NOL10: variants seen among roughly 807,000 people sequenced by gnomAD.
NOL10 encodes the protein nucleolar protein 10.
NOL10 carries 58 observed loss-of-function variants against 103.5 expected under a neutral mutation model. That is an observed-to-expected ratio of 0.56 (90% CI 0.45 to 0.70). The LOEUF is 0.70. Among genes scored for constraint, NOL10 ranks in the 30% least tolerant of loss-of-function variants. NOL10 has a pLI of 0.00. For synonymous variants in NOL10, 287 were observed against 282.5 expected, an observed-to-expected ratio of 1.02 and a Z score of -0.16; for missense variants, 763 against 807.3, an observed-to-expected ratio of 0.95 and a Z score of 0.67.
intron 11 of NOL10, among the ~76,000 whole-genome samples, chr2:10,656,530 A>T (rs1415172080): frequency 1.3e-5 from 2 of 152,246 alleles, no homozygotes; most frequent in African/African-American, 2.4e-5. Context: ...CAGAGAAAAA[A>T]GGAAAAGAAG....
intron 13 of NOL10, among the ~76,000 whole-genome samples, chr2:10,632,323 C>T (rs13019722): frequency 0.2 from 30,364 of 152,036 alleles, 3,862 homozygotes; most frequent in East Asian, 0.43. Flanking sequence ...TTAGGGCTCA[C>T]GAGCCATATG....
intron 17 of NOL10, among the ~76,000 whole-genome samples, chr2:10,596,268 G>GGGGA (rs1553298216): frequency 3.7e-5 from 3 of 81,430 alleles, no homozygotes; most frequent in Admixed American, 3.1e-4. Context: ...GGGGGCGGGG[G>GGGGA]GCGGGCGCGA....
intron 13 of NOL10, among the ~76,000 whole-genome samples, chr2:10,611,748 TCTA>T (rs1309340058): frequency 3.3e-5 from 5 of 152,156 alleles, no homozygotes; most frequent in Non-Finnish European, 7.4e-5. Context: ...GAACCCCATC[TCTA>T]CTATAAATAC....
At chr2:10,591,888 A>T (rs1397489615) in intron 17 of NOL10, among the ~76,000 whole-genome samples, 1 of 152,146 alleles carries the variant, frequency 6.6e-6, no homozygotes, top group Non-Finnish European at 1.5e-5. Flanking sequence ...CTGTAGTCCC[A>T]GCTACTTGGA....
At chr2:10,632,221 G>C (rs1677895140) in intron 13 of NOL10, among the ~76,000 whole-genome samples, 2 of 152,050 alleles carry the variant, frequency 1.3e-5, no homozygotes, top group Non-Finnish European at 2.9e-5. Flanking sequence ...ATATAACAGG[G>C]AAAAAGACAA....
At chr2:10,609,027 T>C (rs1020539897) in intron 13 of NOL10, among the ~76,000 whole-genome samples, 6 of 152,144 alleles carry the variant, frequency 3.9e-5, no homozygotes, top group African/African-American at 1.2e-4. Flanking sequence ...AGAACTGCTA[T>C]GGTTTTAAGC....
chr2:10,606,868 T>C (rs1438142399), intron 14 of NOL10, among the ~76,000 whole-genome samples: 2 of 152,070 alleles, frequency 1.3e-5, no homozygotes, highest in African/African-American at 2.4e-5. Context: ...CAGATAATAC[T>C]GGTGAAAAAA....
intron 13 of NOL10, among the ~76,000 whole-genome samples, chr2:10,622,793 C>G (rs1558297438): frequency 1.3e-5 from 2 of 152,066 alleles, no homozygotes; most frequent in South Asian, 4.2e-4. Context: ...GGAGATGAAC[C>G]AGAAAAACAA....
chr2:10,664,763 T>C (rs1033525723), intron 8 of NOL10, among the ~76,000 whole-genome samples: 42 of 152,320 alleles, frequency 2.8e-4, no homozygotes, highest in Middle Eastern at 3.4e-3. Context: ...CTCGAACTCC[T>C]GGACTCAAGC....
chr2:10,620,498 CG>C (rs1677083212), intron 13 of NOL10, among the ~76,000 whole-genome samples: 1 of 152,082 alleles, frequency 6.6e-6, no homozygotes, highest in Admixed American at 6.6e-5. Flanking sequence ...TCCTGAAGAA[CG>C]TATTTTAAAT....
chr2:10,665,306 T>C (rs1680500995), intron 8 of NOL10, among the ~76,000 whole-genome samples: 1 of 152,234 alleles, frequency 6.6e-6, no homozygotes, highest in South Asian at 2.1e-4. Context: ...ATACAAAATG[T>C]ATTTTTAAGC....
intron 13 of NOL10, among the ~76,000 whole-genome samples, chr2:10,615,050 G>C (rs965329383): frequency 6.6e-6 from 1 of 152,210 alleles, no homozygotes; most frequent in Admixed American, 6.5e-5. Flanking sequence ...AGAGAACACT[G>C]GGTGAGCCAG....
intron 13 of NOL10, among the ~76,000 whole-genome samples, chr2:10,621,586 CCT>C (rs936245123): frequency 5.9e-5 from 9 of 151,978 alleles, no homozygotes; most frequent in Non-Finnish European, 1.0e-4. Flanking sequence ...AGAATAAGAC[CCT>C]GTCTCAAAAA....
intron 17 of NOL10, among the ~76,000 whole-genome samples, chr2:10,593,802 C>T (rs559119496): frequency 5.3e-4 from 81 of 152,174 alleles, no homozygotes; most frequent in African/African-American, 1.9e-3. Flanking sequence ...GGGTGAGGTG[C>T]CCTCTGGACC....
intron 14 of NOL10, among the ~76,000 whole-genome samples, chr2:10,606,240 T>G (rs948333478): frequency 4.7e-5 from 7 of 149,618 alleles, no homozygotes; most frequent in Admixed American, 1.3e-4. Flanking sequence ...TTTTTTTTTT[T>G]GCCTCAGTTT....
chr2:10,622,488 C>CA (rs77285222), intron 13 of NOL10, among the ~76,000 whole-genome samples: 6 of 124,874 alleles, frequency 4.8e-5, no homozygotes, highest in East Asian at 6.0e-4. Context: ...GAGCGTTTTT[C>CA]AAAAAAAAAG....
At chr2:10,647,913 G>T (rs533629545) in intron 12 of NOL10, among the ~76,000 whole-genome samples, 43 of 152,298 alleles carry the variant, frequency 2.8e-4, no homozygotes, top group African/African-American at 9.6e-4. Flanking sequence ...GATCTTTCTT[G>T]AGCCCAGTGC....
intron 17 of NOL10, among the ~76,000 whole-genome samples, 198 bp downstream of exon 17, chr2:10,600,655 T>C (rs1393392528): frequency 6.6e-6 from 1 of 152,218 alleles, no homozygotes; most frequent in East Asian, 1.9e-4. Flanking sequence ...CTTTCTCTGG[T>C]ATAAGAATCG....
intron 13 of NOL10, among the ~76,000 whole-genome samples, chr2:10,628,788 T>C (rs974981199): frequency 6.6e-6 from 1 of 152,190 alleles, no homozygotes; most frequent in East Asian, 1.9e-4. Context: ...AAACAACACA[T>C]TTAAGCAAAC....
Sources: gnomAD v4.1 joint callset for allele counts (sites outside exome capture counted in the v4.1 genomes callset) on GRCh38, gnomAD v4.1.1 for gene constraint, MANE v1.5 for transcripts, NCBI Gene and HGNC (gene_info 2026-07-23, HGNC 2026-07-21) for gene names.